ANKS1B: variants seen among roughly 807,000 people sequenced by gnomAD.
The protein encoded by ANKS1B is ankyrin repeat and sterile alpha motif domain containing 1B, also known as ankyrin repeat and sterile alpha motif domain-containing protein 1B.
In ANKS1B, 36 loss-of-function variants were observed where a neutral mutation model predicts 148.3. That is an observed-to-expected ratio of 0.24 (90% confidence interval 0.19 to 0.32). ANKS1B has a LOEUF of 0.32. ANKS1B is among the 10% of genes least tolerant of loss of function. The pLI, the probability that ANKS1B is intolerant of heterozygous loss-of-function variation, is 1.00. For synonymous variants in ANKS1B, 542 were observed against 560.8 expected, an observed-to-expected ratio of 0.97 and a Z score of 0.47; for missense variants, 1,157 against 1,542.6, an observed-to-expected ratio of 0.75 and a Z score of 4.19.
At chr12:98,806,028 C>T (rs539648234) in intron 20 of ANKS1B, among the ~76,000 whole-genome samples, 4 of 152,182 alleles carry the variant, frequency 2.6e-5, no homozygotes, top group Non-Finnish European at 5.9e-5. Flanking sequence ...TGTGCCACCA[C>T]ATCTGGCTAA....
chr12:99,033,960 A>G (rs186749676), intron 17 of ANKS1B, among the ~76,000 whole-genome samples: 37 of 152,338 alleles, frequency 2.4e-4, no homozygotes, highest in African/African-American at 7.9e-4. Flanking sequence ...GCTGAGGACT[A>G]GAAATTCCTC....
chr12:99,933,613 T>G (rs983621572), intron 1 of ANKS1B, among the ~76,000 whole-genome samples: 5 of 152,168 alleles, frequency 3.3e-5, no homozygotes, highest in African/African-American at 1.2e-4. Flanking sequence ...TTACTGAATG[T>G]GTTTATCAGT....
intron 9 of ANKS1B, among the ~76,000 whole-genome samples, chr12:99,567,970 A>G (rs1160798549): frequency 6.6e-6 from 1 of 152,168 alleles, no homozygotes; most frequent in African/African-American, 2.4e-5. Context: ...AGGTTTTCAG[A>G]CTTGACAACA....
chr12:98,855,419 A>C (rs1423013276), intron 17 of ANKS1B, among the ~76,000 whole-genome samples: 1 of 152,184 alleles, frequency 6.6e-6, no homozygotes, highest in African/African-American at 2.4e-5. Flanking sequence ...ATTTACCCAC[A>C]TGTCATTTAT....
chr12:99,069,342 T>C (rs186118262), intron 16 of ANKS1B, among the ~76,000 whole-genome samples: 6 of 152,312 alleles, frequency 3.9e-5, no homozygotes, highest in Admixed American at 2.0e-4. Context: ...GGCAGGGAAA[T>C]TGATCTCTCT....
intron 9 of ANKS1B, among the ~76,000 whole-genome samples, chr12:99,627,466 G>C (rs1304434582): frequency 6.6e-6 from 1 of 152,108 alleles, no homozygotes; most frequent in Non-Finnish European, 1.5e-5. Context: ...TTACAGATGG[G>C]GAAATGGAGG....
chr12:99,007,676 G>A (rs1598377625), intron 17 of ANKS1B, among the ~76,000 whole-genome samples: 1 of 152,098 alleles, frequency 6.6e-6, no homozygotes, highest in African/African-American at 2.4e-5. Flanking sequence ...GTGCTTAGGG[G>A]TAACTCTTTC....
At chr12:99,371,733 C>T (rs143717293) in intron 12 of ANKS1B, among the ~76,000 whole-genome samples, 3 of 152,098 alleles carry the variant, frequency 2.0e-5, no homozygotes, top group African/African-American at 7.2e-5. Flanking sequence ...AAATTACTGC[C>T]TGAAAATAGT....
At chr12:98,835,097 AATTATTATT>A (rs72558205) in intron 17 of ANKS1B, among the ~76,000 whole-genome samples, 7,191 of 148,936 alleles carry the variant, frequency 0.048, 512 homozygotes, top group African/African-American at 0.15. Context: ...ACATTTGCTT[AATTATTATT>A]ATTATTATTA....
rs1454015260 is a variant in ANKS1B, at chr12:98,967,631, A to AGAGGGGAGGGGAGGGCAGGG, written c.2778+85525_2778+85526insCCCTGCCCTCCCCTCCCCTC. ...AGAGATGAAGGGAAGAGAGGGTAGA[A>AGAGGGGAGGGGAGGGCAGGG]GAGGGGAGGGGAGGGAAGAGGAGGG... On this transcript the variant is annotated intron_variant, in intron 17 of 26. Coordinates refer to ENST00000683438, the MANE Select transcript of ANKS1B (RefSeq NM_001352186.2). Among the ~76,000 whole-genome samples the AGAGGGGAGGGGAGGGCAGGG allele has an allele frequency of 4.7e-4, 36 of 76,746 alleles. 1 individual carries two copies. Among genetic ancestry groups the AGAGGGGAGGGGAGGGCAGGG allele is most frequent in the African/African-American group, 2.5e-3 (33 of 13,112 alleles). The allele number at this position is 76,746 out of a possible 152,430, so 50.3% of individuals were successfully genotyped here. A position where few individuals can be genotyped will look rare whatever the true frequency, so the allele number is the denominator to read the frequency against.
chr12:98,747,646 T>G (rs943478850), intron 26 of ANKS1B, among the ~76,000 whole-genome samples: 6 of 152,208 alleles, frequency 3.9e-5, no homozygotes, highest in African/African-American at 1.4e-4. Flanking sequence ...CAAAGAGATA[T>G]CTGCACTCCC....
intron 17 of ANKS1B, among the ~76,000 whole-genome samples, chr12:98,878,883 C>T (rs1596087819): frequency 6.6e-6 from 1 of 152,242 alleles, no homozygotes; most frequent in East Asian, 1.9e-4. Context: ...GTTTCAAAAC[C>T]TATGTAGTTT....
At chr12:99,118,484 C>G (rs2153718719) in intron 15 of ANKS1B, among the ~76,000 whole-genome samples, 1 of 152,302 alleles carries the variant, frequency 6.6e-6, no homozygotes, top group East Asian at 1.9e-4. Context: ...GAAAGAGTGA[C>G]TGTACAGCGC....
At chr12:99,801,860 G>A (rs1319987312) in intron 4 of ANKS1B, among the ~76,000 whole-genome samples, 1 of 152,144 alleles carries the variant, frequency 6.6e-6, no homozygotes, top group Non-Finnish European at 1.5e-5. Flanking sequence ...TTCATTTAAA[G>A]CACCAGGAAG....
intron 25 of ANKS1B, among the ~76,000 whole-genome samples, chr12:98,763,366 C>T (rs1316516063): frequency 6.6e-6 from 1 of 152,162 alleles, no homozygotes; most frequent in East Asian, 1.9e-4. Flanking sequence ...AAATAGTGCC[C>T]AATCATAGCC....
chr12:98,879,745 G>C (rs962489242), intron 17 of ANKS1B, among the ~76,000 whole-genome samples: 2 of 152,154 alleles, frequency 1.3e-5, no homozygotes, highest in African/African-American at 4.8e-5. Flanking sequence ...ACATAGTACA[G>C]ATAATTATAT....
chr12:99,421,120 A>G (rs2095066739), intron 11 of ANKS1B, among the ~76,000 whole-genome samples: 2 of 152,222 alleles, frequency 1.3e-5, no homozygotes, highest in South Asian at 2.1e-4. Context: ...TTAGTAAAGG[A>G]TTGATAAGTA....
chr12:99,449,351 T>C (rs2152814288), intron 10 of ANKS1B, among the ~76,000 whole-genome samples: 1 of 152,260 alleles, frequency 6.6e-6, no homozygotes, highest in South Asian at 2.1e-4. Context: ...TGTTACAAGA[T>C]ACACATTTAA....
intron 17 of ANKS1B, among the ~76,000 whole-genome samples, chr12:98,924,862 A>T (rs1328587988): frequency 6.6e-6 from 1 of 152,250 alleles, no homozygotes; most frequent in African/African-American, 2.4e-5. Flanking sequence ...TTTGAAATAG[A>T]TTATCAAATA....
Sources: allele counts gnomAD v4.1 joint callset (sites outside exome capture counted in the v4.1 genomes callset), GRCh38; gene constraint gnomAD v4.1.1; transcripts MANE v1.5; gene names NCBI Gene and HGNC (gene_info 2026-07-23, HGNC 2026-07-21).